The following BRAF variants were observed in gnomAD, a reference collection of about 807,000 sequenced individuals.
BRAF encodes the protein B-Raf proto-oncogene, serine/threonine kinase.
Under a neutral mutation model 104.6 loss-of-function variants are expected in BRAF, and 16 were observed. The observed-to-expected ratio is 0.15, with a 90% CI of 0.10 to 0.23. The LOEUF (loss-of-function observed/expected upper bound fraction) is 0.23, where lower values mean the gene tolerates loss of function less well. BRAF is among the 10% of genes least tolerant of loss of function. The probability of loss-of-function intolerance (pLI) is 1.00; values close to 1 mark genes in which losing one functional copy is unlikely to be tolerated. For missense variants in BRAF, 541 were observed against 937.3 expected (o/e 0.58, Z 5.52); for synonymous variants, 310 against 341.6 (o/e 0.91, Z 1.02).
chr7:140,890,423 G>A (rs1454500030), intron 1 of BRAF, among the ~76,000 whole-genome samples: 1 of 152,108 alleles, frequency 6.6e-6, no homozygotes, highest in African/African-American at 2.4e-5. Flanking sequence ...GCTAGGAGTT[G>A]AGGATACAGT....
At chr7:140,792,943 G>T (rs182700642) in intron 8 of BRAF, among the ~76,000 whole-genome samples, 77 of 152,314 alleles carry the variant, frequency 5.1e-4, no homozygotes, top group Non-Finnish European at 9.1e-4. Flanking sequence ...AATTCTGACA[G>T]TTGCAGAAGG....
intron 1 of BRAF, among the ~76,000 whole-genome samples, chr7:140,871,451 C>T (rs557524019): frequency 2.0e-4 from 30 of 152,208 alleles, no homozygotes; most frequent in Admixed American, 1.1e-3. Context: ...TTCTCTAAAG[C>T]AAGGACTGCC....
At chr7:140,866,614 C>T (rs1810991629) in intron 1 of BRAF, among the ~76,000 whole-genome samples, 1 of 152,092 alleles carries the variant, frequency 6.6e-6, no homozygotes, top group South Asian at 2.1e-4. Context: ...AGAAGGCTCA[C>T]CTGAGGCTAG....
At chr7:140,867,570 T>C (rs1380260065) in intron 1 of BRAF, among the ~76,000 whole-genome samples, 2 of 151,098 alleles carry the variant, frequency 1.3e-5, no homozygotes, top group African/African-American at 4.9e-5. Flanking sequence ...TAAAAAGTTA[T>C]AGAGAAAAAC....
intron 1 of BRAF, among the ~76,000 whole-genome samples, chr7:140,899,492 A>G (rs1815355538): frequency 6.6e-6 from 1 of 152,202 alleles, no homozygotes; most frequent in Admixed American, 6.5e-5. Context: ...AGACTGCTTC[A>G]TAGCCTCACC....
chr7:140,781,330 T>A (rs544841296), intron 12 of BRAF: 1 of 513,606 alleles, frequency 1.9e-6, no homozygotes, highest in Admixed American at 3.2e-5. Context: ...TGAGGACTAG[T>A]TAACCTGGAG....
chr7:140,807,285 T>C (rs1803756112), intron 5 of BRAF, among the ~76,000 whole-genome samples: 1 of 152,182 alleles, frequency 6.6e-6, no homozygotes, highest in African/African-American at 2.4e-5. Flanking sequence ...TGTGTCAAGA[T>C]ATATGCAGAA....
At chr7:140,739,006 T>C (rs1015398916) in intron 18 of BRAF, among the ~76,000 whole-genome samples, 2 of 149,796 alleles carry the variant, frequency 1.3e-5, no homozygotes, top group Admixed American at 1.3e-4. Flanking sequence ...AAGAATTAGG[T>C]AAAGGCAGGC....
Position 140,724,173 on chromosome 7 carries a change from T to C in BRAF, c.*2321A>G, listed in dbSNP as rs150528438. 80 of 1,056,336 alleles carry C rather than the reference T, an allele frequency of 7.6e-5. No individual in the cohort carries two copies. The highest frequency in any genetic ancestry group is 2.5e-4 in the African/African-American group (15 of 60,552). 65.4% of individuals were successfully genotyped at this position (1,056,336 alleles called of 1,614,324 possible). On this transcript the variant is annotated 3_prime_UTR_variant, in exon 20 of 20. Transcript: ENST00000644969. The stretch of plus-strand genomic sequence containing the variant: ...CTGAATATTGTTTAAGAAACTGAAA[T>C]GCTAAGCTTCCTCCCTAATGGTACC...
chr7:140,826,819 A>T (rs1355155491), intron 3 of BRAF, among the ~76,000 whole-genome samples: 1 of 152,202 alleles, frequency 6.6e-6, no homozygotes, highest in Non-Finnish European at 1.5e-5. Context: ...CACATTTAAG[A>T]ACGTTAATTC....
rs555665660 is a variant in BRAF, at chr7:140,890,456, C to T, written c.138+34110G>A. Among the ~76,000 whole-genome samples, 16 of 152,220 alleles carry T rather than the reference C, an allele frequency of 1.1e-4. No individual in the cohort carries two copies. In the South Asian group the frequency reaches 1.5e-3, roughly 14 times the overall value. ...AGTGGTGAGCAAGACGGACAAATTC[C>T]TATAGCCCTCAGAGAACTCACATAC... On this transcript the variant is annotated intron_variant, in intron 1 of 19. Coordinates refer to ENST00000644969, the MANE Select transcript of BRAF (RefSeq NM_001374258.1).
intron 1 of BRAF, among the ~76,000 whole-genome samples, chr7:140,914,121 T>C (rs1817320787): frequency 6.6e-6 from 1 of 152,238 alleles, no homozygotes; most frequent in Non-Finnish European, 1.5e-5. Context: ...TTTACATACA[T>C]AGTATTTATC....
chr7:140,739,957 A>G lies in BRAF; in HGVS notation c.2113-11T>C, dbSNP rs750297886. 1.8e-5 allele frequency: 29 copies of G among 1,608,940 alleles called. No homozygotes were observed. The African/African-American group carries it at 2.4e-4, about 13-fold the overall frequency. On this transcript the variant is annotated splice_polypyrimidine_tract_variant and intron_variant, in intron 17 of 19. Coordinates refer to ENST00000644969, the MANE Select transcript of BRAF (RefSeq NM_001374258.1). ...CACCATAAAAATTATCTGGAGAGAG[A>G]AAAAAAAGGGAAATAATTCAACCTT...
rs181668655 is a variant in BRAF at position 140,824,840 on chromosome 7, G to A, written c.504+9769C>T. Among the ~76,000 whole-genome samples the A allele has an allele frequency of 2.8e-4, 42 of 152,184 alleles. No homozygotes were observed. In the Middle Eastern group the frequency reaches 0.01, roughly 37 times the overall value. ...CAGCCATTCTAGGAGGCATGTAAGGGTATCGCGTGCCTATTTAATTTGCAT... is the reference window on the plus strand; with the variant it reads ...CAGCCATTCTAGGAGGCATGTAAGGATATCGCGTGCCTATTTAATTTGCAT... On this transcript the variant is annotated intron_variant, in intron 3 of 19. Coordinates refer to ENST00000644969, the MANE Select transcript of BRAF (RefSeq NM_001374258.1).
chr7:140,781,701 A>T lies in BRAF; in HGVS notation c.1435-8T>A, dbSNP rs2129024007. On this transcript the variant is annotated splice_polypyrimidine_tract_variant and splice_region_variant and intron_variant, in intron 11 of 19. Transcript: ENST00000644969. ...CCGTCTACCAAGTGTTTTCTTGATA[A>T]AAACAGTAAAAAAGTCAAGTCAAGC... 6.2e-7 allele frequency: 1 copy of T among 1,611,042 alleles called. No homozygotes were observed. Among genetic ancestry groups the T allele is most frequent in the Non-Finnish European group, 8.5e-7 (1 of 1,177,316 alleles).
chr7:140,900,544 TCATC>T (rs1461056697), intron 1 of BRAF, among the ~76,000 whole-genome samples: 2 of 152,224 alleles, frequency 1.3e-5, no homozygotes, highest in African/African-American at 2.4e-5. Context: ...AATATAAAAT[TCATC>T]CATATTATTT....
chr7:140,922,444 C>T (rs1337250180), intron 1 of BRAF, among the ~76,000 whole-genome samples: 1 of 152,190 alleles, frequency 6.6e-6, no homozygotes, highest in East Asian at 1.9e-4. Flanking sequence ...AGAGATTTTA[C>T]TTCACAAAAG....
rs1196481091 is a variant in BRAF at position 140,719,593 on chromosome 7, A to T, written c.*6901T>A. 9.4e-7 allele frequency: 1 copy of T among 1,060,280 alleles called. No individual in the cohort carries two copies. The highest frequency in any genetic ancestry group is 5.4e-5 in the Admixed American group (1 of 18,652). 65.7% of individuals were successfully genotyped at this position (1,060,280 alleles called of 1,614,324 possible). A position where few individuals can be genotyped will look rare whatever the true frequency, so the allele number is the denominator to read the frequency against. ...CCTGAGCAGGAAAGAGAACCAAAGT[A>T]TCAGGAAGTGGGTATGGGGGAGAAT... is the stretch of plus-strand genomic sequence containing the variant. On this transcript the variant is annotated 3_prime_UTR_variant, in exon 20 of 20. Transcript: ENST00000644969.
chr7:140,877,293 T>TGG (rs34320657), intron 1 of BRAF, among the ~76,000 whole-genome samples: 713 of 69,088 alleles, frequency 0.01, 7 homozygotes, highest in Middle Eastern at 0.028. Context: ...TTTTAAGAGA[T>TGG]GGGGGGGGGG....
Sources: allele counts gnomAD v4.1 joint callset (sites outside exome capture counted in the v4.1 genomes callset), GRCh38; gene constraint gnomAD v4.1.1; transcripts MANE v1.5; gene names NCBI Gene and HGNC (gene_info 2026-07-23, HGNC 2026-07-21).